PPP1R9A: variants seen among roughly 807,000 people sequenced by gnomAD.
The protein encoded by PPP1R9A is protein phosphatase 1 regulatory subunit 9A, also known as neurabin-1.
PPP1R9A carries 59 observed loss-of-function variants against 141.9 expected under a neutral mutation model. That is an observed-to-expected ratio of 0.42 (90% CI 0.34 to 0.52). The LOEUF is 0.52. Among genes scored for constraint, PPP1R9A ranks in the 20% least tolerant of loss-of-function variants. PPP1R9A has a pLI of 0.10. For synonymous variants in PPP1R9A, 500 were observed against 569.7 expected, an observed-to-expected ratio of 0.88 and a Z score of 1.74; for missense variants, 1,444 against 1,611.9, an observed-to-expected ratio of 0.90 and a Z score of 1.78.
intron 1 of PPP1R9A, among the ~76,000 whole-genome samples, 191 bp from the exon 2 acceptor site, chr7:94,909,706 CT>C (rs34862598): frequency 0.036 from 4,672 of 128,442 alleles, 194 homozygotes; most frequent in African/African-American, 0.1. Flanking sequence ...GTGTTTGGAA[CT>C]TTTTTTTTTT....
chr7:95,254,140 G>A (rs1193886056), intron 12 of PPP1R9A, among the ~76,000 whole-genome samples: 2 of 152,114 alleles, frequency 1.3e-5, no homozygotes, highest in Non-Finnish European at 2.9e-5. Context: ...GGTTCACAGT[G>A]AGATGTGGAG....
At chr7:95,086,078 T>C (rs911723533) in intron 2 of PPP1R9A, among the ~76,000 whole-genome samples, 2 of 151,872 alleles carry the variant, frequency 1.3e-5, no homozygotes, top group Admixed American at 6.6e-5. Context: ...TTTTCCAAAA[T>C]AATATTAAAA....
intron 4 of PPP1R9A, among the ~76,000 whole-genome samples, chr7:95,140,258 G>T (rs1233536862): frequency 6.6e-6 from 1 of 152,206 alleles, no homozygotes; most frequent in African/African-American, 2.4e-5. Flanking sequence ...TGGACCTACT[G>T]TATGAGAGAA....
intron 12 of PPP1R9A, among the ~76,000 whole-genome samples, chr7:95,263,491 G>C (rs1276859604): frequency 1.6e-5 from 1 of 61,092 alleles, no homozygotes; most frequent in African/African-American, 4.2e-5. Flanking sequence ...CTGGAGTGCA[G>C]TGGCCCGATC....
intron 2 of PPP1R9A, among the ~76,000 whole-genome samples, chr7:95,054,620 G>T (rs1020767194): frequency 1.3e-5 from 2 of 152,036 alleles, no homozygotes; most frequent in Non-Finnish European, 2.9e-5. Flanking sequence ...AAGGCCCTAT[G>T]CGTCCTGGCT....
At chr7:95,188,149 TA>T (rs1440538430) in intron 5 of PPP1R9A, among the ~76,000 whole-genome samples, 1 of 152,200 alleles carries the variant, frequency 6.6e-6, no homozygotes, top group East Asian at 1.9e-4. Flanking sequence ...AATTGTTTTA[TA>T]AATTTAGGAG....
At chr7:95,263,274 A>G (rs2153035444) in intron 12 of PPP1R9A, among the ~76,000 whole-genome samples, 1 of 152,332 alleles carries the variant, frequency 6.6e-6, no homozygotes, top group African/African-American at 2.4e-5. Context: ...ATAAATGTAA[A>G]CAATTACATA....
rs1796404018 is a variant in PPP1R9A, at chr7:95,234,463, C to T, written c.2112+8347C>T. 2.0e-5 allele frequency among the ~76,000 whole-genome samples: 3 copies of T among 152,002 alleles called. No homozygotes were observed. In the South Asian group the frequency reaches 6.2e-4, roughly 32 times the overall value. On this transcript the variant is annotated intron_variant, in intron 8 of 19. Transcript: ENST00000433360. ...GAAAAATAAAATACTTAGGAATATA[C>T]CTAACCAAGAAGGTAAAAGACCTCT...
In PPP1R9A at chr7:95,004,492, A is replaced by G. The variant is rs1803341902; in HGVS notation, c.1395+92984A>G. 2.0e-5 allele frequency among the ~76,000 whole-genome samples: 3 copies of G among 152,290 alleles called. 1 individual carries two copies. The South Asian group carries it at 6.2e-4, about 32-fold the overall frequency. ...CAACATAATTATACCTTTTTAAATT[A>G]ACTAATCTATGAGTACCGACTTAAT... On this transcript the variant is annotated intron_variant, in intron 2 of 19. Transcript: ENST00000433360.
intron 4 of PPP1R9A, chr7:95,155,467 G>A (rs1240663633): frequency 3.9e-5 from 6 of 152,218 alleles, no homozygotes; most frequent in African/African-American, 4.8e-5. Flanking sequence ...CTCGATTGTA[G>A]GCATGAGCCA....
At chr7:94,912,788 G>A (rs757025060) in intron 2 of PPP1R9A, among the ~76,000 whole-genome samples, 6 of 152,136 alleles carry the variant, frequency 3.9e-5, no homozygotes, top group Admixed American at 1.3e-4. Context: ...GTCATGTTAA[G>A]TTAAACTGTA....
intron 5 of PPP1R9A, among the ~76,000 whole-genome samples, chr7:95,181,198 T>TATATATAGAATATATAGAGAAA (rs1430827223): frequency 1.4e-4 from 20 of 145,544 alleles, no homozygotes; most frequent in African/African-American, 5.0e-4. Flanking sequence ...ATATATAGAA[T>TATATATAGAATATATAGAGAAA]ATATATAGAA....
chr7:95,025,191 C>T (rs1274306332), intron 2 of PPP1R9A, among the ~76,000 whole-genome samples: 3 of 151,970 alleles, frequency 2.0e-5, no homozygotes, highest in South Asian at 2.1e-4. Context: ...CTCAGCCTCC[C>T]GAGTAGTTGA....
chr7:95,045,437 A>T (rs1361495520), intron 2 of PPP1R9A, among the ~76,000 whole-genome samples: 2 of 152,152 alleles, frequency 1.3e-5, no homozygotes, highest in Non-Finnish European at 2.9e-5. Context: ...GTGGCCTGCT[A>T]ACCCTTGGGA....
intron 7 of PPP1R9A, among the ~76,000 whole-genome samples, chr7:95,218,448 A>T (rs1457792189): frequency 6.6e-6 from 1 of 152,110 alleles, no homozygotes; most frequent in Non-Finnish European, 1.5e-5. Context: ...TATTCTGTTG[A>T]TTTGGGGTGG....
chr7:95,115,511 A>G (rs1041671499), intron 3 of PPP1R9A, among the ~76,000 whole-genome samples: 4 of 152,206 alleles, frequency 2.6e-5, no homozygotes, highest in Non-Finnish European at 4.4e-5. Context: ...GAAATACCAT[A>G]TAAGTTTATA....
intron 5 of PPP1R9A, among the ~76,000 whole-genome samples, chr7:95,164,083 T>C (rs1830829153): frequency 6.6e-6 from 1 of 152,188 alleles, no homozygotes; most frequent in Admixed American, 6.5e-5. Context: ...ACTGGGTAAA[T>C]ACCAAGCATG....
chr7:95,011,469 C>T (rs1219777398), intron 2 of PPP1R9A, among the ~76,000 whole-genome samples: 2 of 152,154 alleles, frequency 1.3e-5, no homozygotes, highest in African/African-American at 4.8e-5. Context: ...AAAGTAATCA[C>T]TATATATGTG....
chr7:95,199,474 T>C (rs969289615), intron 6 of PPP1R9A, among the ~76,000 whole-genome samples: 23 of 152,212 alleles, frequency 1.5e-4, no homozygotes, highest in Admixed American at 1.4e-3. Flanking sequence ...TAAACAGACA[T>C]TCAAATATTT....
Sources: gnomAD v4.1 joint callset for allele counts (sites outside exome capture counted in the v4.1 genomes callset) on GRCh38, gnomAD v4.1.1 for gene constraint, MANE v1.5 for transcripts, NCBI Gene and HGNC (gene_info 2026-07-23, HGNC 2026-07-21) for gene names.